Variants in TMEM217 observed in about 807,000 individuals in gnomAD.
The protein encoded by TMEM217 is transmembrane protein 217.
For synonymous variants in TMEM217, 76 were observed against 88.3 expected (o/e 0.86, Z 0.78); for missense variants, 204 against 248.8 (o/e 0.82, Z 1.21).
chr6:37,232,535 T>C (rs752745125), intron 1 of TMEM217, among the ~76,000 whole-genome samples: 1 of 151,744 alleles, frequency 6.6e-6, no homozygotes, highest in Non-Finnish European at 1.5e-5. Flanking sequence ...ACCCTATTAA[T>C]GGTCACCAGT....
At chr6:37,236,233 C>T (rs562564651) in intron 1 of TMEM217, among the ~76,000 whole-genome samples, 3 of 152,158 alleles carry the variant, frequency 2.0e-5, no homozygotes, top group African/African-American at 7.2e-5. Context: ...GTGATTCTCC[C>T]ACCTCTGCCT....
chr6:37,215,073 T>C (rs2113798650), downstream of TMEM217: 1 of 1,285,058 alleles, frequency 7.8e-7, no homozygotes, highest in East Asian at 2.4e-5. Flanking sequence ...GTTCCACAGC[T>C]CTGCTGCCCC....
chr6:37,257,826 C>G, exon 1 of TMEM217: 2 of 1,418,220 alleles, frequency 1.4e-6, no homozygotes, highest in Non-Finnish European at 1.9e-6. Context: ...GGCGGGGAAG[C>G]GGCCTGGGTT....
Position 37,241,508 on chromosome 6 carries a change from C to T in TMEM217, c.-12+16060G>A, listed in dbSNP as rs552322171. ...AGTAAGGATTCCTACAACTCATGTG[C>T]GGCTAGAAGCAGGTGCTGGCAGGAT... is the stretch of plus-strand genomic sequence containing the variant. On this transcript the variant is annotated intron_variant, in intron 1 of 1. Transcript: ENST00000357219. Among the ~76,000 whole-genome samples the T allele has an allele frequency of 8.8e-4, 134 of 152,144 alleles. 1 individual carries two copies. Among genetic ancestry groups the T allele is most frequent in the African/African-American group, 3.0e-3 (123 of 41,502 alleles).
chr6:37,231,226 A>AT lies in TMEM217; in HGVS notation c.-11-12186dup, dbSNP rs35394043. 7.5e-3 allele frequency among the ~76,000 whole-genome samples: 652 copies of AT among 87,390 alleles called. 2 individuals are homozygous for AT. The highest frequency in any genetic ancestry group is 0.023 in the East Asian group (59 of 2,548). The allele number at this position is 87,390 out of a possible 152,430, so 57.3% of individuals were successfully genotyped here. Reference sequence around the variant, plus strand: ...AGGTGCAAGCCACCATGCCTGGCTAATTTTTTTTTTTTTTTTTTTTTTTTG... The same window carrying AT: ...AGGTGCAAGCCACCATGCCTGGCTAATTTTTTTTTTTTTTTTTTTTTTTTTG... On this transcript the variant is annotated intron_variant, in intron 1 of 1. Coordinates refer to ENST00000357219, the Ensembl canonical transcript of TMEM217.
downstream of TMEM217, among the ~76,000 whole-genome samples, chr6:37,215,609 A>G (rs1439556238): frequency 1.3e-5 from 2 of 151,174 alleles, no homozygotes; most frequent in Non-Finnish European, 2.9e-5. Flanking sequence ...AAAGAAAAGA[A>G]AAAAGAAAAC....
chr6:37,254,966 G>A (rs559134494), intron 1 of TMEM217, among the ~76,000 whole-genome samples: 1 of 152,304 alleles, frequency 6.6e-6, no homozygotes, highest in South Asian at 2.1e-4. Context: ...TGTATGAGCA[G>A]TTCACAATAG....
At chr6:37,217,508 G>T, downstream of TMEM217, 1 of 443,254 alleles carries the variant, frequency 2.3e-6, no homozygotes, top group Non-Finnish European at 3.0e-6. Context: ...TCAGTACAGT[G>T]TTCACACTAC....
Position 37,232,080 on chromosome 6 carries a change from T to A in TMEM217, c.-11-13039A>T, listed in dbSNP as rs79533805. On this transcript the variant is annotated intron_variant, in intron 1 of 1. Coordinates refer to ENST00000357219, the Ensembl canonical transcript of TMEM217. ...GTCACCTTATGAGGTATTTTCTTTT[T>A]TGCTTGTGTAAGTCTTTTGTTGGGG... is the stretch of plus-strand genomic sequence containing the variant. Among the ~76,000 whole-genome samples, 1,465 of 152,276 alleles carry A rather than the reference T, an allele frequency of 9.6e-3. 15 individuals carry two copies. The highest frequency in any genetic ancestry group is 0.033 in the African/African-American group (1,366 of 41,558).
At chr6:37,218,070 A>T (rs1457586823) in exon 2 of TMEM217, 2 of 1,005,740 alleles carry the variant, frequency 2.0e-6, no homozygotes, top group East Asian at 1.0e-4. Context: ...GTGGGGGGAA[A>T]AAAGGAAATA....
At chr6:37,214,885 G>A (rs1396480267), downstream of TMEM217, among the ~76,000 whole-genome samples, 6 of 152,098 alleles carry the variant, frequency 3.9e-5, no homozygotes, top group African/African-American at 9.7e-5. Context: ...ATGCTTCCCC[G>A]TCTGCACCAA....
intron 1 of TMEM217, among the ~76,000 whole-genome samples, chr6:37,226,449 C>T (rs1172941576): frequency 2.0e-5 from 3 of 151,432 alleles, no homozygotes; most frequent in Non-Finnish European, 4.4e-5. Flanking sequence ...CCTGCCACGG[C>T]GCCCAGCTAA....
exon 2 of TMEM217, chr6:37,218,431 C>T (rs1402901584): frequency 6.2e-7 from 1 of 1,601,736 alleles, no homozygotes; most frequent in African/African-American, 1.3e-5. Flanking sequence ...CCTACCTCTG[C>T]CTCTCAAAGT....
rs114045258 is a variant in TMEM217, at chr6:37,255,979, C to T, written c.-12+1589G>A. Among the ~76,000 whole-genome samples the T allele has an allele frequency of 2.4e-3, 362 of 152,202 alleles. 3 individuals carry two copies. Among genetic ancestry groups the T allele is most frequent in the African/African-American group, 8.2e-3 (341 of 41,526 alleles). ...CTGGGTTGAGCACTGTTAACTACAC[C>T]CCCTGGGAATCAGTGTCATTTAACA... On this transcript the variant is annotated intron_variant, in intron 1 of 1. Coordinates refer to ENST00000357219, the Ensembl canonical transcript of TMEM217.
chr6:37,257,814 G>A (rs1288936674), exon 1 of TMEM217: 1 of 1,312,320 alleles, frequency 7.6e-7, no homozygotes, highest in Non-Finnish European at 1.1e-6. Flanking sequence ...CGGGTGACCG[G>A]CGGCGGGGAA....
chr6:37,258,105 C>G (rs1765887998), exon 1 of TMEM217: 4 of 1,015,422 alleles, frequency 3.9e-6, no homozygotes, highest in Non-Finnish European at 5.6e-6. Context: ...TGCCTGGTGG[C>G]GGCAGGGCAG....
At chr6:37,218,909 C>A in exon 2 of TMEM217, 1 of 1,614,188 alleles carries the variant, frequency 6.2e-7, no homozygotes, top group Non-Finnish European at 8.5e-7. Context: ...CTCAGTGCAA[C>A]TGCCATTCCC....
At chr6:37,249,512 G>A (rs901744677) in intron 1 of TMEM217, among the ~76,000 whole-genome samples, 1 of 152,058 alleles carries the variant, frequency 6.6e-6, no homozygotes, top group African/African-American at 2.4e-5. Context: ...GTGGAGACGG[G>A]GTTTCACCAT....
chr6:37,254,926 T>C (rs1765631460), intron 1 of TMEM217, among the ~76,000 whole-genome samples: 1 of 152,176 alleles, frequency 6.6e-6, no homozygotes, highest in South Asian at 2.1e-4. Flanking sequence ...TAGATTCTCA[T>C]AAGGAGTGCG....
Sources: gnomAD v4.1 joint callset for allele counts (sites outside exome capture counted in the v4.1 genomes callset) on GRCh38, gnomAD v4.1.1 for gene constraint, MANE v1.5 for transcripts, NCBI Gene and HGNC (gene_info 2026-07-23, HGNC 2026-07-21) for gene names.